The following THRAP3 variants were observed in gnomAD, a reference collection of about 807,000 sequenced individuals.
The protein encoded by THRAP3 is thyroid hormone receptor-associated protein 3.
A neutral mutation model predicts 101.0 loss-of-function variants in THRAP3; 16 were observed. The observed-to-expected ratio is 0.16, with a 90% CI of 0.11 to 0.24. The LOEUF (loss-of-function observed/expected upper bound fraction) is 0.24. THRAP3 is among the 10% of genes least tolerant of loss of function. The pLI is 1.00. For synonymous variants in THRAP3, 407 were observed against 422.6 expected (o/e 0.96, Z 0.45); for missense variants, 989 against 1,202.7 (o/e 0.82, Z 2.63).
At chr1:36,264,327 G>A (rs1645485444) in intron 2 of THRAP3, among the ~76,000 whole-genome samples, 1 of 152,250 alleles carries the variant, frequency 6.6e-6, no homozygotes. Context: ...CAGGCACTGT[G>A]TATGTGCTTC....
chr1:36,260,821 C>CGAAA (rs1645436427), intron 2 of THRAP3, among the ~76,000 whole-genome samples: 1 of 70,202 alleles, frequency 1.4e-5, no homozygotes. Flanking sequence ...GACTACGTCT[C>CGAAA]AAAAAAAAAA....
chr1:36,254,224 G>A (rs903055012), intron 1 of THRAP3, among the ~76,000 whole-genome samples: 21 of 152,090 alleles, frequency 1.4e-4, no homozygotes, highest in Non-Finnish European at 1.5e-5. Flanking sequence ...TTTTCACAAC[G>A]TTTGCCAGTT....
the THRAP3 span, among the ~76,000 whole-genome samples, chr1:36,210,206 AAC>A: frequency 6.6e-6 from 1 of 151,602 alleles, no homozygotes; most frequent in Non-Finnish European, 1.5e-5. Flanking sequence ...CTGTACTAAA[AAC>A]ACAAAAAATT....
At chr1:36,253,356 A>G (rs1645331838) in intron 1 of THRAP3, among the ~76,000 whole-genome samples, 1 of 152,166 alleles carries the variant, frequency 6.6e-6, no homozygotes, top group Admixed American at 6.5e-5. Flanking sequence ...AGATTTTGAA[A>G]TATGGAGATT....
chr1:36,261,427 G>C (rs1030217598), intron 2 of THRAP3, among the ~76,000 whole-genome samples: 1 of 152,180 alleles, frequency 6.6e-6, no homozygotes, highest in African/African-American at 2.4e-5. Flanking sequence ...CAGCTACTCG[G>C]GAGACTGAGG....
At chr1:36,292,214 G>C (rs1645879395) in intron 6 of THRAP3, among the ~76,000 whole-genome samples, 1 of 143,124 alleles carries the variant, frequency 7.0e-6, no homozygotes, top group East Asian at 2.2e-4. Context: ...TCCTGCAAAA[G>C]AGTTAAAACA....
intron 9 of THRAP3, among the ~76,000 whole-genome samples, chr1:36,298,093 G>C (rs1455549720): frequency 6.9e-6 from 1 of 144,272 alleles, no homozygotes; most frequent in Non-Finnish European, 1.5e-5. Context: ...GTTGCACTGA[G>C]CCGAGTTCTC....
At chr1:36,266,746 GT>G (rs1472377545) in intron 2 of THRAP3, among the ~76,000 whole-genome samples, 2 of 152,162 alleles carry the variant, frequency 1.3e-5, no homozygotes, top group Non-Finnish European at 2.9e-5. Flanking sequence ...CAAGTGATAA[GT>G]TTAAGTACAG....
At chr1:36,230,449 G>C (rs992600313) in intron 1 of THRAP3, among the ~76,000 whole-genome samples, 1 of 151,436 alleles carries the variant, frequency 6.6e-6, no homozygotes, top group African/African-American at 2.4e-5. Flanking sequence ...TTTTAGTAGA[G>C]ATGAGGTTTC....
At chr1:36,244,937 G>T (rs918783780) in intron 1 of THRAP3, among the ~76,000 whole-genome samples, 1 of 151,878 alleles carries the variant, frequency 6.6e-6, no homozygotes, top group Non-Finnish European at 1.5e-5. Context: ...GGCCAGGATG[G>T]TCTCAAACTC....
intron 1 of THRAP3, among the ~76,000 whole-genome samples, chr1:36,239,850 G>T (rs1184956900): frequency 2.0e-5 from 3 of 151,844 alleles, no homozygotes; most frequent in Admixed American, 6.6e-5. Context: ...TACTTTTTTC[G>T]TGGTAAAATA....
chr1:36,240,171 T>A (rs2124395474), intron 1 of THRAP3, among the ~76,000 whole-genome samples: 1 of 152,288 alleles, frequency 6.6e-6, no homozygotes, highest in South Asian at 2.1e-4. Flanking sequence ...GAATTGGCTC[T>A]CACAGTTACA....
chr1:36,250,379 A>G (rs1046373630), intron 1 of THRAP3, among the ~76,000 whole-genome samples: 3 of 151,922 alleles, frequency 2.0e-5, no homozygotes. Context: ...ACACCCAGCT[A>G]ACTTTTGTAT....
intron 1 of THRAP3, among the ~76,000 whole-genome samples, chr1:36,252,952 A>G (rs370434774): frequency 7.9e-6 from 1 of 126,624 alleles, no homozygotes; most frequent in African/African-American, 2.9e-5. Context: ...ATATATATAT[A>G]TATATATATA....
chr1:36,257,412 T>C (rs1645389425), intron 1 of THRAP3, among the ~76,000 whole-genome samples: 1 of 152,206 alleles, frequency 6.6e-6, no homozygotes, highest in East Asian at 1.9e-4. Flanking sequence ...ATTTGTTGAA[T>C]AAGTGGACAA....
At chr1:36,226,932 A>G (rs1434567658) in intron 1 of THRAP3, among the ~76,000 whole-genome samples, 2 of 152,156 alleles carry the variant, frequency 1.3e-5, no homozygotes, top group Non-Finnish European at 2.9e-5. Context: ...AAATTGAGAA[A>G]AGTAACATAG....
At chr1:36,218,216 T>C in the THRAP3 span, among the ~76,000 whole-genome samples, 1 of 147,364 alleles carries the variant, frequency 6.8e-6, no homozygotes, top group Admixed American at 6.8e-5. Context: ...AAAAAATATA[T>C]AAATTAGCCA....
chr1:36,270,386 C>G (rs1039844383), intron 2 of THRAP3, among the ~76,000 whole-genome samples: 8 of 151,986 alleles, frequency 5.3e-5, no homozygotes, highest in African/African-American at 1.9e-4. Flanking sequence ...CAGAGTGAGA[C>G]CCTGACACAC....
chr1:36,232,204 G>C (rs990860509), intron 1 of THRAP3, among the ~76,000 whole-genome samples: 13 of 152,114 alleles, frequency 8.5e-5, no homozygotes, highest in Admixed American at 6.6e-4. Context: ...CAACAGAGGA[G>C]ACCCTATCTC....
Sources: gnomAD v4.1 joint callset for allele counts (sites outside exome capture counted in the v4.1 genomes callset) on GRCh38, gnomAD v4.1.1 for gene constraint, MANE v1.5 for transcripts, NCBI Gene and HGNC (gene_info 2026-07-23, HGNC 2026-07-21) for gene names.